SLC2A8: variants seen among roughly 807,000 people sequenced by gnomAD.
SLC2A8 encodes the protein solute carrier family 2 member 8.
SLC2A8 carries 53 observed loss-of-function variants against 49.2 expected under a neutral mutation model. The observed-to-expected ratio is 1.08, with a 90% CI of 0.86 to 1.35. The LOEUF is 1.35. Among genes scored for constraint, SLC2A8 ranks in the 40% most tolerant of loss-of-function variants. The pLI is 0.00. For synonymous variants in SLC2A8, 299 were observed against 297.0 expected (o/e 1.01, Z -0.07); for missense variants, 688 against 671.7 (o/e 1.02, Z -0.27).
At chr9:127,397,346 C>G (rs1833061425) in intron 1 of SLC2A8, 30 bp from the exon 2 acceptor site, 11 of 1,403,772 alleles carry the variant, frequency 7.8e-6, no homozygotes, top group Non-Finnish European at 1.0e-5. Flanking sequence ...TCCGCGTCCG[C>G]TCCGCTCACC....
chr9:127,401,957 A>G (rs990917267), intron 4 of SLC2A8, among the ~76,000 whole-genome samples: 2 of 152,230 alleles, frequency 1.3e-5, no homozygotes, highest in African/African-American at 4.8e-5. Context: ...TTAACTTTAT[A>G]TAAAACTAGG....
rs181845261 is a variant in SLC2A8, at chr9:127,399,658, C to T, written c.427-249C>T. Among the ~76,000 whole-genome samples, 24 of 151,626 alleles carry T rather than the reference C, an allele frequency of 1.6e-4. No individual in the cohort carries two copies. The highest frequency in any genetic ancestry group is 4.4e-4 in the African/African-American group (18 of 41,296). On this transcript the variant is annotated intron_variant, in intron 3 of 9. Transcript: ENST00000373371. This position sits in a 1 kb window ranked among gnomAD's most constrained non-coding sequence, Gnocchi z 4.2. The stretch of plus-strand genomic sequence containing the variant: ...GTGCAATGGTGGGATCTTGGCTCAC[C>T]GCAACCTCCACCTCCAGGGTTCAAG...
At chr9:127,404,478 G>GGCCCTGC in intron 7 of SLC2A8, 1 of 315,974 alleles carries the variant, frequency 3.2e-6, no homozygotes, top group Non-Finnish European at 5.9e-6. Context: ...GGTGATCCAC[G>GGCCCTGC]TGAGGCCTTC....
chr9:127,397,564 G>T (rs1833078623), intron 2 of SLC2A8, 26 bp downstream of exon 2: 1 of 1,381,370 alleles, frequency 7.2e-7, no homozygotes, highest in Non-Finnish European at 9.3e-7. Context: ...CGCTCCTCCC[G>T]CCCTGGGACC....
rs1294062128 is a variant in SLC2A8, at chr9:127,405,548, G to A, written c.1279G>A (p.Glu427Lys). Residue 427 changes from glutamate (E) to lysine (K), a missense_variant, in exon 9 of 10, where the codon GAG becomes AAG. By Grantham distance (56) the Glu-to-Lys change is moderately conservative (BLOSUM62 1). Coordinates refer to ENST00000373371, the MANE Select transcript of SLC2A8 (RefSeq NM_014580.5). ...NWLMAFLVTK[E>K]FSSLMEVLRP... is the part of the protein sequence containing the mutation. Reference sequence around the variant, plus strand: ...GCTCATGGCCTTTCTCGTGACCAAGGAGTTCAGCAGCCTCATGGTGAGGGC... The same window carrying A: ...GCTCATGGCCTTTCTCGTGACCAAGAAGTTCAGCAGCCTCATGGTGAGGGC... 5 of 1,613,198 alleles carry A rather than the reference G, an allele frequency of 3.1e-6. No individual in the cohort carries two copies. The South Asian group carries it at 4.4e-5, about 14-fold the overall frequency.
intron 9 of SLC2A8, among the ~76,000 whole-genome samples, chr9:127,406,398 C>T (rs936307455): frequency 7.2e-5 from 11 of 152,064 alleles, no homozygotes; most frequent in African/African-American, 2.2e-4. Context: ...GGGGCCAGGC[C>T]GATGCCTGGG....
At chr9:127,398,187 C>T in intron 3 of SLC2A8, 76 bp downstream of exon 3, 2 of 1,466,120 alleles carry the variant, frequency 1.4e-6, no homozygotes, top group Non-Finnish European at 1.9e-6. Flanking sequence ...GCTCCCCAGG[C>T]CTGGGGGCGC....
At chr9:127,400,246 C>G (rs1564215003) in intron 4 of SLC2A8, among the ~76,000 whole-genome samples, 2 of 149,852 alleles carry the variant, frequency 1.3e-5, no homozygotes, top group Non-Finnish European at 3.0e-5. Flanking sequence ...CAACCTCTGC[C>G]TCCTGGGTTC....
chr9:127,407,037 A>C, intron 9 of SLC2A8, 75 bp from the exon 10 acceptor site: 9 of 1,558,058 alleles, frequency 5.8e-6, no homozygotes, highest in Non-Finnish European at 7.9e-6. Context: ...CCCTGGTGGC[A>C]GAGCTGTCTC....
intron 7 of SLC2A8, 59 bp downstream of exon 7, chr9:127,404,126 C>A: frequency 8.6e-7 from 1 of 1,165,534 alleles, no homozygotes; most frequent in South Asian, 1.3e-5. Flanking sequence ...TCGCCAAGGC[C>A]ACCACACTGC....
intron 7 of SLC2A8, 118 bp from the exon 8 acceptor site, chr9:127,404,700 A>G: frequency 8.3e-7 from 1 of 1,211,558 alleles, no homozygotes. Flanking sequence ...GTGCCAGAAC[A>G]CCAAGCTGGC....
chr9:127,405,097 T>A, intron 8 of SLC2A8, 106 bp downstream of exon 8: 1 of 1,259,870 alleles, frequency 7.9e-7, no homozygotes, highest in Non-Finnish European at 1.1e-6. Flanking sequence ...ACCTCTCCTC[T>A]CGTAAGTTCC....
At chr9:127,402,507 G>C in intron 4 of SLC2A8, 50 bp from the exon 5 acceptor site, 1 of 1,455,522 alleles carries the variant, frequency 6.9e-7, no homozygotes, top group Non-Finnish European at 9.0e-7. Flanking sequence ...CAAGGCCCAG[G>C]CTGGCTCACC....
chr9:127,407,243 G>A lies in SLC2A8; in HGVS notation c.1428G>A (p.Gly476=). The change falls in exon 10 of 10, where the codon GGG becomes GGA. Residue 476 remains glycine, a synonymous_variant. Transcript: ENST00000373371. ...AACAAATCACAGCCCATTTTGAGGG[G>A]CGATGACAGCCACTCACTAGGGGAT... ...TLEQITAHFE[G]R 1 of 1,613,044 alleles carries A rather than the reference G, an allele frequency of 6.2e-7. No individual in the cohort carries two copies.
chr9:127,402,737 C>T lies in SLC2A8; in HGVS notation c.707C>T (p.Pro236Leu), dbSNP rs776778724. ...TCCGAGCAGGGCTGGGAAGACCCCC[C>T]CATCGGGGCTGAGCAGGTGAGAGGC... ...WGSEQGWEDPPIGAEQSFHLA... is the reference protein window; with the variant it reads ...WGSEQGWEDPLIGAEQSFHLA... Residue 236 changes from proline (P) to leucine (L), a missense_variant, in exon 5 of 10, where the codon CCC becomes CTC. By Grantham distance (98) the Pro-to-Leu change is moderately conservative (BLOSUM62 -3). Transcript: ENST00000373371. 26 of 1,548,044 alleles carry T rather than the reference C, an allele frequency of 1.7e-5. No individual in the cohort carries two copies. The highest frequency in any genetic ancestry group is 1.4e-4 in the Admixed American group (7 of 50,602).
Position 127,404,890 on chromosome 9 carries a change from C to T in SLC2A8, c.1049C>T (p.Ser350Phe). Residue 350 changes from serine (S) to phenylalanine (F), a missense_variant, in exon 8 of 10, where the codon TCC becomes TTC. Physicochemically the swap from Ser to Phe is radical, Grantham distance 155 (BLOSUM62 -2). Transcript: ENST00000373371. ...CTGACCCAGGGTGGCCCTGGCAACT[C>T]CTCGCACGTGGCCATCTCGGCGCCT... The part of the protein sequence containing the change: ...FKLTQGGPGN[S>F]SHVAISAPVS... 1 of 1,612,734 alleles carries T rather than the reference C, an allele frequency of 6.2e-7. No homozygotes were observed.
Position 127,397,216 on chromosome 9 carries a change from G to C in SLC2A8, c.-15G>C, listed in dbSNP as rs576800329. 1.4e-6 allele frequency: 2 copies of C among 1,457,050 alleles called. No individual in the cohort carries two copies. The highest frequency in any genetic ancestry group is 6.0e-5 in the East Asian group (2 of 33,346). 90.3% of individuals were successfully genotyped at this position (1,457,050 alleles called of 1,614,324 possible). ...TTCAGGCGCCAGAGCTGGCCGATCG[G>C]CGTTGGCCGCCGACATGACGCCCGA... On this transcript the variant is annotated 5_prime_UTR_variant, in exon 1 of 10. Coordinates refer to ENST00000373371, the MANE Select transcript of SLC2A8 (RefSeq NM_014580.5).
intron 4 of SLC2A8, among the ~76,000 whole-genome samples, chr9:127,401,572 GTAC>G (rs1266481125): frequency 2.0e-5 from 3 of 152,226 alleles, no homozygotes; most frequent in Admixed American, 1.3e-4. Flanking sequence ...TCGGGGACAG[GTAC>G]TGGGTGTCCA....
rs1833528300 is a variant in SLC2A8 at position 127,407,334 on chromosome 9, A to T, written c.*85A>T. Reference sequence around the variant, plus strand: ...CCCCTGCCTGCCCCAGGGGAGCCAGAATCCAGCCCCTTGGAGCCTTGGTCT... The same window carrying T: ...CCCCTGCCTGCCCCAGGGGAGCCAGTATCCAGCCCCTTGGAGCCTTGGTCT... On this transcript the variant is annotated 3_prime_UTR_variant, in exon 10 of 10. Transcript: ENST00000373371. The T allele has an allele frequency of 1.0e-5, 16 of 1,543,814 alleles. No individual in the cohort carries two copies. The highest frequency in any genetic ancestry group is 2.7e-6 in the Non-Finnish European group (3 of 1,120,078).
Sources: allele counts gnomAD v4.1 joint callset (sites outside exome capture counted in the v4.1 genomes callset), GRCh38; gene constraint gnomAD v4.1.1; non-coding constraint Gnocchi (gnomAD v3.1); transcripts MANE v1.5; gene names NCBI Gene and HGNC (gene_info 2026-07-23, HGNC 2026-07-21).